Variants in PCSK2 observed in about 807,000 individuals in gnomAD.
PCSK2 encodes proprotein convertase subtilisin/kexin type 2.
PCSK2 carries 14 observed loss-of-function variants against 69.7 expected under a neutral mutation model. That is an observed-to-expected ratio of 0.20 (90% CI 0.13 to 0.31). The LOEUF (loss-of-function observed/expected upper bound fraction) is 0.31. PCSK2 is among the 10% of genes least tolerant of loss of function. The pLI is 1.00. For missense variants in PCSK2, 544 were observed against 842.5 expected (o/e 0.65, Z 4.39); for synonymous variants, 307 against 320.7 (o/e 0.96, Z 0.46).
chr20:17,278,266 C>A (rs965932994), intron 2 of PCSK2, among the ~76,000 whole-genome samples: 4 of 152,162 alleles, frequency 2.6e-5, no homozygotes, highest in Non-Finnish European at 5.9e-5. Flanking sequence ...AAGACACATG[C>A]ACACGTATGT....
At chr20:17,342,169 TAC>T (rs10583474) in intron 2 of PCSK2, among the ~76,000 whole-genome samples, 25,925 of 152,152 alleles carry the variant, frequency 0.17, 2,743 homozygotes, top group East Asian at 0.5. Flanking sequence ...AAATTACACA[TAC>T]ACACACACAT....
intron 1 of PCSK2, among the ~76,000 whole-genome samples, chr20:17,242,712 A>G (rs915099526): frequency 2.0e-5 from 3 of 152,230 alleles, no homozygotes; most frequent in Non-Finnish European, 4.4e-5. Context: ...ACTCAAAGAC[A>G]TGATGTCCTC....
chr20:17,284,683 T>C (rs1484848187), intron 2 of PCSK2, among the ~76,000 whole-genome samples: 1 of 152,140 alleles, frequency 6.6e-6, no homozygotes, highest in African/African-American at 2.4e-5. Flanking sequence ...GGCAAATCAA[T>C]ATGCCAAGAC....
At chr20:17,371,519 T>C (rs529158793) in intron 5 of PCSK2, among the ~76,000 whole-genome samples, 1 of 152,332 alleles carries the variant, frequency 6.6e-6, no homozygotes, top group African/African-American at 2.4e-5. Flanking sequence ...CTTCTTTTCT[T>C]TCTTAAGAAC....
At chr20:17,299,558 T>A (rs1989008322) in intron 2 of PCSK2, among the ~76,000 whole-genome samples, 1 of 152,128 alleles carries the variant, frequency 6.6e-6, no homozygotes, top group Non-Finnish European at 1.5e-5. Flanking sequence ...TTGGGACTTT[T>A]GGTTAGAATT....
intron 5 of PCSK2, among the ~76,000 whole-genome samples, 167 bp downstream of exon 5, chr20:17,369,444 G>A (rs535477638): frequency 8.7e-4 from 132 of 152,116 alleles, no homozygotes; most frequent in Admixed American, 3.1e-3. Context: ...ACATATGCAC[G>A]CACACATGGA....
intron 2 of PCSK2, among the ~76,000 whole-genome samples, chr20:17,266,688 A>T (rs1462334697): frequency 6.6e-6 from 1 of 152,216 alleles, no homozygotes; most frequent in African/African-American, 2.4e-5. Flanking sequence ...GAAGCTGAGC[A>T]AATGGGCTTT....
In PCSK2 at chr20:17,453,957, G is replaced by T; in HGVS notation, c.1101G>T (p.Val367=). The change falls in exon 9 of 12, where the codon GTG becomes GTT. Residue 367 remains valine, a splice_region_variant and synonymous_variant. Coordinates refer to ENST00000262545, the MANE Select transcript of PCSK2 (RefSeq NM_002594.5). This position sits in a 1 kb window ranked among gnomAD's most constrained non-coding sequence, Gnocchi z 4.0. The part of the protein sequence containing the change: ...NGRKRNPEAG[V]ATTDLYGNCT... ...GGAAAAGGAACCCCGAGGCCGGTGT[G>T]GTGAGCACGTCCCCTTCTGTCCTTG... 6.2e-7 allele frequency: 1 copy of T among 1,614,130 alleles called. No homozygotes were observed. The highest frequency in any genetic ancestry group is 8.5e-7 in the Non-Finnish European group (1 of 1,180,022).
At chr20:17,319,950 G>A (rs1026981798) in intron 2 of PCSK2, among the ~76,000 whole-genome samples, 1 of 152,114 alleles carries the variant, frequency 6.6e-6, no homozygotes, top group Non-Finnish European at 1.5e-5. Flanking sequence ...TGATATAGTA[G>A]TTTCACTTAA....
chr20:17,335,385 T>C (rs1380906285), intron 2 of PCSK2, among the ~76,000 whole-genome samples: 1 of 151,546 alleles, frequency 6.6e-6, no homozygotes, highest in African/African-American at 2.4e-5. Context: ...GATGTCCTTT[T>C]CTGACGTATT....
At chr20:17,277,300 G>A (rs1351697829) in intron 2 of PCSK2, among the ~76,000 whole-genome samples, 21 of 152,106 alleles carry the variant, frequency 1.4e-4, no homozygotes, top group African/African-American at 1.7e-4. Context: ...GAGGCATCAC[G>A]CTACCTGACT....
chr20:17,478,689 C>T (rs994731189), intron 11 of PCSK2, among the ~76,000 whole-genome samples: 1 of 152,172 alleles, frequency 6.6e-6, no homozygotes, highest in Non-Finnish European at 1.5e-5. Context: ...ATTTTCTCCA[C>T]ATTTATCCTT....
In PCSK2 at chr20:17,368,910, G is replaced by A. The variant is rs75545107; in HGVS notation, c.506-330G>A. On this transcript the variant is annotated intron_variant, in intron 4 of 11. Coordinates refer to ENST00000262545, the MANE Select transcript of PCSK2 (RefSeq NM_002594.5). ...ATAATCACTTTTCCTCCCCAGGGCC[G>A]GTTTCATTTCAGAGAAATGCCAGTT... Among the ~76,000 whole-genome samples the A allele has an allele frequency of 5.0e-3, 763 of 152,250 alleles. 6 individuals carry two copies. Among genetic ancestry groups the A allele is most frequent in the African/African-American group, 0.017 (714 of 41,534 alleles).
intron 8 of PCSK2, among the ~76,000 whole-genome samples, chr20:17,438,808 A>C (rs1359386446): frequency 6.6e-6 from 1 of 152,236 alleles, no homozygotes; most frequent in Non-Finnish European, 1.5e-5. Context: ...TGCCTCCAAC[A>C]GGGAGGAGTC....
chr20:17,322,128 T>C (rs1272886143), intron 2 of PCSK2, among the ~76,000 whole-genome samples: 2 of 152,166 alleles, frequency 1.3e-5, no homozygotes, highest in Non-Finnish European at 2.9e-5. Flanking sequence ...AGAAACCTGT[T>C]GATCAAGCAA....
At chr20:17,344,721 C>T (rs1332991020) in intron 2 of PCSK2, among the ~76,000 whole-genome samples, 3 of 152,066 alleles carry the variant, frequency 2.0e-5, no homozygotes, top group Admixed American at 1.3e-4. Flanking sequence ...TGTATCCCTC[C>T]ATGCCAAACA....
At chr20:17,399,353 G>T (rs1236618760) in intron 5 of PCSK2, among the ~76,000 whole-genome samples, 1 of 152,146 alleles carries the variant, frequency 6.6e-6, no homozygotes, top group Non-Finnish European at 1.5e-5. Flanking sequence ...TGCTACTGGT[G>T]TTATTATTTA....
chr20:17,306,048 T>G (rs896744749), intron 2 of PCSK2, among the ~76,000 whole-genome samples: 2 of 152,230 alleles, frequency 1.3e-5, no homozygotes, highest in African/African-American at 4.8e-5. Flanking sequence ...GTTTTGGTAC[T>G]AAACACTGTA....
At chr20:17,474,807 T>G (rs575031777) in intron 11 of PCSK2, among the ~76,000 whole-genome samples, 1 of 136,816 alleles carries the variant, frequency 7.3e-6, no homozygotes, top group East Asian at 2.2e-4. Context: ...CAATAACTTC[T>G]TAAGGGCTTT....
Sources: allele counts gnomAD v4.1 joint callset (sites outside exome capture counted in the v4.1 genomes callset), GRCh38; gene constraint gnomAD v4.1.1; non-coding constraint Gnocchi (gnomAD v3.1); transcripts MANE v1.5; gene names NCBI Gene and HGNC (gene_info 2026-07-23, HGNC 2026-07-21).